B4GALT1: variants seen among roughly 807,000 people sequenced by gnomAD.
The protein encoded by B4GALT1 is beta-1,4-galactosyltransferase 1.
Under a neutral mutation model 34.9 loss-of-function variants are expected in B4GALT1, and 16 were observed. The ratio of observed to expected loss-of-function variants is 0.46; its 90% confidence interval spans 0.31 to 0.70. The LOEUF is 0.70. Ranked by LOEUF, B4GALT1 falls within the 30% of genes least tolerant of loss-of-function variation. The pLI is 0.05. For synonymous variants in B4GALT1, 221 were observed against 218.1 expected, an observed-to-expected ratio of 1.01 and a Z score of -0.12; for missense variants, 445 against 530.5, an observed-to-expected ratio of 0.84 and a Z score of 1.58.
chr9:33,104,742 G>C, exon 3 of B4GALT1: 1 of 455,958 alleles, frequency 2.2e-6, no homozygotes, highest in Non-Finnish European at 4.4e-6. Context: ...GAACAGACCA[G>C]GCGAAGCCTT....
rs536688370 is a variant in B4GALT1, at chr9:33,114,029, T to A, written c.960-151A>T. The stretch of plus-strand genomic sequence containing the variant: ...CATCATGCCAGAACCCAGCCCAGCA[T>A]GACCCTGGTTAAAACTCACATTCCG... On this transcript the variant is annotated intron_variant, in intron 4 of 5. Transcript: ENST00000379731. 246 of 742,554 alleles carry A rather than the reference T, an allele frequency of 3.3e-4. 2 individuals are homozygous for A. The highest frequency in any genetic ancestry group is 3.2e-3 in the South Asian group (214 of 66,958). The allele number at this position is 742,554 out of a possible 1,614,324, so 46.0% of individuals were successfully genotyped here.
chr9:33,113,755 G>C lies in B4GALT1; in HGVS notation c.1064+19C>G, dbSNP rs1839899380. On this transcript the variant is annotated intron_variant, in intron 5 of 5. Transcript: ENST00000379731. ...CTCATCCTAAAGGGGGAAGGAGTAT[G>C]AATAAACAAAGAATGCACCTCTGAG... 1 of 1,613,524 alleles carries C rather than the reference G, an allele frequency of 6.2e-7. No individual in the cohort carries two copies. Among genetic ancestry groups the C allele is most frequent in the African/African-American group, 1.3e-5 (1 of 74,912 alleles).
chr9:33,115,558 A>G (rs2183124), intron 4 of B4GALT1, among the ~76,000 whole-genome samples: 137,260 of 152,268 alleles, frequency 0.9, 62,010 homozygotes, highest in Middle Eastern at 0.97. Context: ...ATACTACAGT[A>G]TCTCTTTTGT....
At chr9:33,157,696 T>C (rs1479652253) in intron 1 of B4GALT1, among the ~76,000 whole-genome samples, 3 of 147,522 alleles carry the variant, frequency 2.0e-5, no homozygotes, top group Non-Finnish European at 4.5e-5. Context: ...ACATTTAACA[T>C]GGTAACATTG....
At chr9:33,173,117 C>T in the B4GALT1 span, among the ~76,000 whole-genome samples, 3 of 152,076 alleles carry the variant, frequency 2.0e-5, no homozygotes, top group Non-Finnish European at 4.4e-5. Context: ...AAAAAGTAAC[C>T]ATATGGTCGG....
Position 33,145,965 on chromosome 9 carries a change from T to C in B4GALT1, c.413-10541A>G, listed in dbSNP as rs571337969. On this transcript the variant is annotated intron_variant, in intron 1 of 5. Coordinates refer to ENST00000379731, the MANE Select transcript of B4GALT1 (RefSeq NM_001497.4). ...ACAGATCCCCAATTCTGTGGGGCAG[T>C]AGAAGCAAGGAGAGGACATGGGGAA... is the stretch of plus-strand genomic sequence containing the variant. Among the ~76,000 whole-genome samples, 23 of 152,272 alleles carry C rather than the reference T, an allele frequency of 1.5e-4. No individual in the cohort carries two copies. The South Asian group carries it at 3.7e-3, about 25-fold the overall frequency.
chr9:33,157,780 A>G (rs954122536), intron 1 of B4GALT1, among the ~76,000 whole-genome samples: 4 of 152,138 alleles, frequency 2.6e-5, no homozygotes, highest in Admixed American at 1.3e-4. Context: ...TTATACTACC[A>G]ATAATAAATA....
At position 33,117,172 on chromosome 9, in the gene B4GALT1, G is replaced by A. The variant is rs570131497; in HGVS notation, c.837-1059C>T. ...GCCCCCCTTCCACACCCATCCTATC[G>A]ACCAATCCAGCTTTCATGCTTCCAA... On this transcript the variant is annotated intron_variant, in intron 3 of 5. Coordinates refer to ENST00000379731, the MANE Select transcript of B4GALT1 (RefSeq NM_001497.4). Among the ~76,000 whole-genome samples, 20 of 152,130 alleles carry A rather than the reference G, an allele frequency of 1.3e-4. 1 individual carries two copies. In the South Asian group the frequency reaches 2.3e-3, roughly 17 times the overall value.
intron 1 of B4GALT1, among the ~76,000 whole-genome samples, chr9:33,155,887 G>A (rs1421325452): frequency 1.3e-5 from 2 of 152,078 alleles, no homozygotes; most frequent in African/African-American, 2.4e-5. Context: ...CCAACATCTT[G>A]AGGTAAGAAA....
downstream of B4GALT1, among the ~76,000 whole-genome samples, chr9:33,107,173 G>A (rs1839803514): frequency 6.6e-6 from 1 of 152,164 alleles, no homozygotes; most frequent in Non-Finnish European, 1.5e-5. Context: ...GAAAAAGGCA[G>A]TAGCCACATT....
intron 1 of B4GALT1, among the ~76,000 whole-genome samples, chr9:33,160,438 G>T (rs1011278465): frequency 9.2e-5 from 14 of 152,306 alleles, no homozygotes; most frequent in Middle Eastern, 3.4e-3. Context: ...CTATCTACAT[G>T]AATCTATGTC....
Position 33,112,615 on chromosome 9 carries a change from T to C in B4GALT1, c.*839A>G, listed in dbSNP as rs1839879277. The C allele has an allele frequency of 6.6e-6, 1 of 152,658 alleles. No homozygotes were observed. Among genetic ancestry groups the C allele is most frequent in the Non-Finnish European group, 1.5e-5 (1 of 68,044 alleles). 9.5% of individuals were successfully genotyped at this position (152,658 alleles called of 1,614,324 possible). Reference sequence around the variant, plus strand: ...AATACATAGGAAATTCAAGTTTACATAGCATGCCAAGAAAAATAAATTGTC... The same window carrying C: ...AATACATAGGAAATTCAAGTTTACACAGCATGCCAAGAAAAATAAATTGTC... On this transcript the variant is annotated 3_prime_UTR_variant, in exon 6 of 6. Transcript: ENST00000379731.
intron 1 of B4GALT1, among the ~76,000 whole-genome samples, chr9:33,162,390 C>T (rs569426745): frequency 1.3e-4 from 20 of 152,246 alleles, no homozygotes; most frequent in South Asian, 1.0e-3. Context: ...ATTAAGAGTT[C>T]CTGAAGAGGA....
intron 2 of B4GALT1, among the ~76,000 whole-genome samples, chr9:33,122,389 C>T (rs1840033703): frequency 6.6e-6 from 1 of 151,886 alleles, no homozygotes; most frequent in Non-Finnish European, 1.5e-5. Context: ...CATGGTGGTC[C>T]CTAGTACTCT....
chr9:33,121,102 A>T (rs1197726794), intron 2 of B4GALT1, among the ~76,000 whole-genome samples: 1 of 152,258 alleles, frequency 6.6e-6, no homozygotes, highest in Non-Finnish European at 1.5e-5. Context: ...TACCTTCCTT[A>T]TATGGTTGAC....
the B4GALT1 span, among the ~76,000 whole-genome samples, chr9:33,181,446 ACACACAC>A: frequency 6.6e-6 from 1 of 151,338 alleles, no homozygotes; most frequent in African/African-American, 2.4e-5. Context: ...ACACACACAC[ACACACAC>A]ACACACAAAC....
Position 33,113,133 on chromosome 9 carries a change from C to A in B4GALT1, c.*321G>T. 1 of 344,390 alleles carries A rather than the reference C, an allele frequency of 2.9e-6. No individual in the cohort carries two copies. Among genetic ancestry groups the A allele is most frequent in the East Asian group, 5.8e-5 (1 of 17,296 alleles). 21.3% of individuals were successfully genotyped at this position (344,390 alleles called of 1,614,324 possible). On this transcript the variant is annotated 3_prime_UTR_variant, in exon 6 of 6. Transcript: ENST00000379731. ...TCTAACCTATTTCACGACAATTTAG[C>A]AATTCTATCACCGGGAATGTGTTCC... is the stretch of plus-strand genomic sequence containing the variant.
At chr9:33,181,272 T>A in the B4GALT1 span, among the ~76,000 whole-genome samples, 1 of 151,876 alleles carries the variant, frequency 6.6e-6, no homozygotes, top group Non-Finnish European at 1.5e-5. Flanking sequence ...ATAAAAAAAA[T>A]TAGCCAGGCG....
chr9:33,151,913 T>C (rs1286552341), intron 1 of B4GALT1, among the ~76,000 whole-genome samples: 1 of 152,194 alleles, frequency 6.6e-6, no homozygotes, highest in African/African-American at 2.4e-5. Context: ...AGAACCAACT[T>C]AGAAGAAAAC....
Sources: allele counts gnomAD v4.1 joint callset (sites outside exome capture counted in the v4.1 genomes callset), GRCh38; gene constraint gnomAD v4.1.1; transcripts MANE v1.5; gene names NCBI Gene and HGNC (gene_info 2026-07-23, HGNC 2026-07-21).